The following DMXL2 variants were observed in gnomAD, a reference collection of about 807,000 sequenced individuals.
DMXL2 encodes the protein Dmx like 2.
DMXL2 carries 103 observed loss-of-function variants against 331.1 expected under a neutral mutation model. That is an observed-to-expected ratio of 0.31 (90% CI 0.27 to 0.37). The LOEUF (loss-of-function observed/expected upper bound fraction) is 0.37. Among genes scored for constraint, DMXL2 ranks in the 10% least tolerant of loss-of-function variants. The pLI is 1.00. For missense variants in DMXL2, 3,171 were observed against 3,642.9 expected (o/e 0.87, Z 3.33); for synonymous variants, 1,281 against 1,252.1 (o/e 1.02, Z -0.49).
At chr15:51,503,588 G>T (rs1437526918) in intron 16 of DMXL2, among the ~76,000 whole-genome samples, 1 of 152,076 alleles carries the variant, frequency 6.6e-6, no homozygotes, top group Admixed American at 6.6e-5. Flanking sequence ...TGTGGGGTGG[G>T]TGAAGAGACT....
intron 41 of DMXL2, among the ~76,000 whole-genome samples, chr15:51,452,837 C>G (rs1367492205): frequency 6.6e-6 from 1 of 152,144 alleles, no homozygotes; most frequent in Non-Finnish European, 1.5e-5. Flanking sequence ...ACTATGGAAC[C>G]AACCTAAATG....
At chr15:51,614,312 T>G (rs1255019232) in intron 1 of DMXL2, among the ~76,000 whole-genome samples, 1 of 152,224 alleles carries the variant, frequency 6.6e-6, no homozygotes, top group Non-Finnish European at 1.5e-5. Context: ...GTCTGTATTA[T>G]TTTGTTATGG....
chr15:51,565,456 C>T (rs753369981), intron 3 of DMXL2, among the ~76,000 whole-genome samples: 23 of 152,150 alleles, frequency 1.5e-4, no homozygotes, highest in Non-Finnish European at 2.4e-4. Flanking sequence ...ATATCCTATT[C>T]CTCACGTCTC....
At chr15:51,463,750 T>G (rs1011457877) in intron 32 of DMXL2, among the ~76,000 whole-genome samples, 2 of 152,214 alleles carry the variant, frequency 1.3e-5, no homozygotes, top group Admixed American at 1.3e-4. Flanking sequence ...CCAGTTAAGC[T>G]GAGAGTCAAA....
At chr15:51,570,531 G>T (rs894302925) in intron 2 of DMXL2, among the ~76,000 whole-genome samples, 1 of 152,068 alleles carries the variant, frequency 6.6e-6, no homozygotes, top group African/African-American at 2.4e-5. Flanking sequence ...AAATGTTAAG[G>T]GCAGCCAGAG....
At chr15:51,558,597 T>C (rs555041778) in intron 6 of DMXL2, among the ~76,000 whole-genome samples, 2 of 152,322 alleles carry the variant, frequency 1.3e-5, no homozygotes, top group East Asian at 3.9e-4. Flanking sequence ...AAACCGCACA[T>C]GATTGCAGTC....
intron 1 of DMXL2, among the ~76,000 whole-genome samples, chr15:51,588,584 C>A (rs143725189): frequency 5.1e-4 from 78 of 152,262 alleles, no homozygotes; most frequent in African/African-American, 1.7e-3. Context: ...TTTATGACAA[C>A]TTCAAATTAT....
intron 2 of DMXL2, among the ~76,000 whole-genome samples, chr15:51,575,353 A>G (rs528229979): frequency 3.2e-4 from 49 of 152,296 alleles, no homozygotes; most frequent in Non-Finnish European, 5.4e-4. Context: ...AACTGTTACA[A>G]TGATTACAGG....
chr15:51,610,596 G>A (rs7168749), intron 1 of DMXL2, among the ~76,000 whole-genome samples: 67,019 of 151,654 alleles, frequency 0.44, 15,413 homozygotes, highest in Non-Finnish European at 0.5. Flanking sequence ...GTGAAACCCC[G>A]TCTCCAATAA....
At chr15:51,554,327 C>A (rs539659985) in intron 6 of DMXL2, among the ~76,000 whole-genome samples, 22 of 152,084 alleles carry the variant, frequency 1.4e-4, no homozygotes, top group Non-Finnish European at 3.1e-4. Context: ...AAAGACAAAT[C>A]TGTGAGTTTT....
At chr15:51,468,006 G>A (rs913239591) in intron 29 of DMXL2, among the ~76,000 whole-genome samples, 13 of 152,138 alleles carry the variant, frequency 8.5e-5, no homozygotes, top group African/African-American at 7.2e-5. Context: ...GATTACAGGC[G>A]TGAGCCACCA....
chr15:51,509,827 A>G (rs1210694307), intron 15 of DMXL2, among the ~76,000 whole-genome samples: 2 of 152,216 alleles, frequency 1.3e-5, no homozygotes, highest in Admixed American at 1.3e-4. Context: ...GGCAAACCGA[A>G]TCCAGCAGCA....
In DMXL2 at chr15:51,538,275, C is replaced by T. The variant is rs1340769826; in HGVS notation, c.1283G>A (p.Arg428Lys). The stretch of plus-strand genomic sequence containing the variant: ...CTCCTGTGAATGTTCCTCATCTTCT[C>T]TATCTGCATCATCATTTTCATGATC... ...QVDHENDDADREDEEHSQEDR... is the reference protein window; with the variant it reads ...QVDHENDDADKEDEEHSQEDR... Residue 428 changes from arginine (R) to lysine (K), a missense_variant, in exon 10 of 44, where the codon AGA becomes AAA. Physicochemically the swap from Arg to Lys is conservative, Grantham distance 26. Around this residue, in one of 7 missense-constraint regions of DMXL2, gnomAD observed 1,674 missense variants for 1,780.2 expected, o/e 0.94. Coordinates refer to ENST00000560891, the MANE Select transcript of DMXL2 (RefSeq NM_001378457.1). The T allele has an allele frequency of 1.2e-6, 2 of 1,613,698 alleles. No homozygotes were observed. Among genetic ancestry groups the T allele is most frequent in the African/African-American group, 2.7e-5 (2 of 74,916 alleles).
At chr15:51,462,804 A>T (rs2040243273) in intron 33 of DMXL2, among the ~76,000 whole-genome samples, 1 of 152,200 alleles carries the variant, frequency 6.6e-6, no homozygotes, top group South Asian at 2.1e-4. Context: ...CAAACTGCTA[A>T]TTCTTCTTGA....
chr15:51,592,589 A>C (rs1377799264), intron 1 of DMXL2, among the ~76,000 whole-genome samples: 1 of 152,330 alleles, frequency 6.6e-6, no homozygotes, highest in East Asian at 1.9e-4. Flanking sequence ...ACTCCTTGAC[A>C]AGAGCAACTC....
At chr15:51,451,945 ACTGATATGACTTC>A (rs1429752233) in intron 41 of DMXL2, among the ~76,000 whole-genome samples, 1 of 152,146 alleles carries the variant, frequency 6.6e-6, no homozygotes, top group Non-Finnish European at 1.5e-5. Context: ...ACTCCAGGAA[ACTGATATGACTTC>A]CTGAGTATAA....
At chr15:51,602,545 G>A (rs564186304) in intron 1 of DMXL2, among the ~76,000 whole-genome samples, 4 of 152,278 alleles carry the variant, frequency 2.6e-5, no homozygotes, top group African/African-American at 9.6e-5. Flanking sequence ...GTCACAGAAA[G>A]AGGAGTCTGG....
rs1246420577 is a variant in DMXL2, at chr15:51,514,438, G to A, written c.2644+4C>T. 3.4e-6 allele frequency: 5 copies of A among 1,485,100 alleles called. No individual in the cohort carries two copies. The African/African-American group carries it at 5.7e-5, about 17-fold the overall frequency. 92.0% of individuals were successfully genotyped at this position (1,485,100 alleles called of 1,614,324 possible). On this transcript the variant is annotated splice_donor_region_variant and intron_variant, in intron 15 of 43. Coordinates refer to ENST00000560891, the MANE Select transcript of DMXL2 (RefSeq NM_001378457.1). ...AACAAATGCAGACTATTTTTTTAAAGTACCTTGTGATGGCTGAAAAAATAT... is the reference window on the plus strand; with the variant it reads ...AACAAATGCAGACTATTTTTTTAAAATACCTTGTGATGGCTGAAAAAATAT...
chr15:51,548,980 G>C (rs921086801), intron 6 of DMXL2, among the ~76,000 whole-genome samples: 1 of 151,664 alleles, frequency 6.6e-6, no homozygotes, highest in Non-Finnish European at 1.5e-5. Context: ...AATCTCCATA[G>C]GTTTTGGGGG....
Sources: gnomAD v4.1 joint callset for allele counts (sites outside exome capture counted in the v4.1 genomes callset) on GRCh38, gnomAD v4.1.1 for gene constraint, gnomAD v4.1.1 regional missense constraint, MANE v1.5 for transcripts, NCBI Gene and HGNC (gene_info 2026-07-23, HGNC 2026-07-21) for gene names.